The following FGF13 variants were observed in gnomAD, a reference collection of about 807,000 sequenced individuals.
FGF13 encodes the protein fibroblast growth factor 13.
FGF13 carries 2 observed loss-of-function variants against 19.5 expected under a neutral mutation model. The observed-to-expected ratio is 0.10, with a 90% CI of 0.04 to 0.32. The LOEUF is 0.32. Ranked by LOEUF, FGF13 falls within the 10% of genes least tolerant of loss-of-function variation. The pLI, the probability that FGF13 is intolerant of heterozygous loss-of-function variation, is 1.00. For missense variants in FGF13, 113 were observed against 192.7 expected (o/e 0.59, Z 2.45); for synonymous variants, 72 against 76.9 (o/e 0.94, Z 0.33).
At chrX:138,712,304 T>C (rs1433278599), upstream of FGF13, among the ~76,000 whole-genome samples, 2 of 111,330 alleles carry the variant, frequency 1.8e-5, no homozygotes, top group Non-Finnish European at 3.8e-5. Flanking sequence ...TCAAGCCAAT[T>C]TGTAGGGTCC....
chrX:139,114,207 G>A (rs921919372), intron 1 of FGF13, among the ~76,000 whole-genome samples: 1 of 111,825 alleles, frequency 8.9e-6, no homozygotes, highest in African/African-American at 3.3e-5. Flanking sequence ...CTTAAAGTAA[G>A]CAAGCTCCAT....
chrX:139,035,034 C>T (rs183366622), intron 1 of FGF13, among the ~76,000 whole-genome samples: 42 of 111,794 alleles, frequency 3.8e-4, no homozygotes, highest in South Asian at 3.7e-4. Context: ...GTATAAACAT[C>T]GCTTGGCAAT....
intron 1 of FGF13, among the ~76,000 whole-genome samples, chrX:139,135,148 G>A (rs2083789858): frequency 8.9e-6 from 1 of 112,285 alleles, no homozygotes; most frequent in African/African-American, 3.2e-5. Context: ...CTGGTAGAGA[G>A]CAGTGCACAG....
chrX:138,825,224 A>T (rs761885748), intron 3 of FGF13, among the ~76,000 whole-genome samples: 1 of 111,862 alleles, frequency 8.9e-6, no homozygotes, highest in African/African-American at 3.2e-5. Flanking sequence ...TTGGAGTCAG[A>T]CAAATCTGGG....
At chrX:138,640,508 T>A (rs1272371983) in intron 3 of FGF13, among the ~76,000 whole-genome samples, 1 of 111,828 alleles carries the variant, frequency 8.9e-6, no homozygotes, top group Non-Finnish European at 1.9e-5. Context: ...GGACAGAGTG[T>A]AGTATCTCTT....
In FGF13 at chrX:138,850,846, C is replaced by G. The variant is rs759527964; in HGVS notation, c.217+6666G>C. 2.1e-3 allele frequency among the ~76,000 whole-genome samples: 231 copies of G among 111,772 alleles called. 2 individuals are homozygous for G. Among genetic ancestry groups the G allele is most frequent in the African/African-American group, 7.2e-3 (223 of 30,794 alleles). On this transcript the variant is annotated intron_variant, in intron 3 of 6. Transcript: ENST00000436198. Reference sequence around the variant, plus strand: ...ATCAAACCATCACCGAAATATTAAGCCCAGCATGCATTAGCTATTTTTCCT... The same window carrying G: ...ATCAAACCATCACCGAAATATTAAGGCCAGCATGCATTAGCTATTTTTCCT...
At chrX:138,742,098 A>G (rs751393816), upstream of FGF13, among the ~76,000 whole-genome samples, 1 of 111,613 alleles carries the variant, frequency 9.0e-6, no homozygotes, top group South Asian at 3.8e-4. Flanking sequence ...ACATCTCTCA[A>G]TTTGAATGTG....
chrX:138,837,468 C>T (rs1301031785), intron 3 of FGF13, among the ~76,000 whole-genome samples: 1 of 111,952 alleles, frequency 8.9e-6, no homozygotes, highest in Non-Finnish European at 1.9e-5. Context: ...TTTCGTGGGT[C>T]TACTCTGCTG....
intron 3 of FGF13, among the ~76,000 whole-genome samples, chrX:138,643,495 A>G (rs1027237427): frequency 2.7e-5 from 3 of 112,111 alleles, no homozygotes; most frequent in African/African-American, 9.7e-5. Flanking sequence ...CAAAGAAGAG[A>G]GATAGGCCAT....
chrX:138,935,833 T>C (rs750735442), intron 1 of FGF13, among the ~76,000 whole-genome samples: 20 of 112,133 alleles, frequency 1.8e-4, no homozygotes, highest in Non-Finnish European at 3.6e-4. Context: ...AGTTGGGTCT[T>C]TTCAAGAATG....
At chrX:138,988,318 T>G (rs1283188164) in intron 1 of FGF13, among the ~76,000 whole-genome samples, 2 of 112,406 alleles carry the variant, frequency 1.8e-5, no homozygotes, top group Non-Finnish European at 3.8e-5. Context: ...AAAATCCGAT[T>G]TCTAATTTTT....
At position 138,617,965 on chromosome X, in the gene FGF13, G is replaced by T. The variant is rs1474492929; in HGVS notation, c.*14885C>A. 1.8e-5 allele frequency: 2 copies of T among 109,553 alleles called. No homozygotes were observed. The highest frequency in any genetic ancestry group is 1.9e-4 in the Admixed American group (2 of 10,262). The allele number at this position is 109,553 out of a possible 1,213,427, so 9.0% of individuals were successfully genotyped here. ...CCCCAGAGAGAGAGAGAGAGAGAGA[G>T]AATATTTTAAATTATTTTGTAAAAC... is the stretch of plus-strand genomic sequence containing the variant. On this transcript the variant is annotated 3_prime_UTR_variant, in exon 5 of 5. Coordinates refer to ENST00000315930, the MANE Select transcript of FGF13 (RefSeq NM_004114.5).
At position 138,694,537 on chromosome X, in the gene FGF13, G is replaced by A. The variant is rs374208687; in HGVS notation, c.402+8447C>T. Among the ~76,000 whole-genome samples, 20 of 101,730 alleles carry A rather than the reference G, an allele frequency of 2.0e-4. No individual in the cohort carries two copies. In the East Asian group the frequency reaches 5.3e-3, roughly 27 times the overall value. 88.3% of individuals were successfully genotyped at this position (101,730 alleles called of 115,157 possible). A position where few individuals can be genotyped will look rare whatever the true frequency, so the allele number is the denominator to read the frequency against. Reference sequence around the variant, plus strand: ...GCAATCTTGGCTCACTGCAAGCTCCGCCTCCTGGGTTCATGCCATTCTCCT... The same window carrying A: ...GCAATCTTGGCTCACTGCAAGCTCCACCTCCTGGGTTCATGCCATTCTCCT... On this transcript the variant is annotated intron_variant, in intron 3 of 4. Coordinates refer to ENST00000315930, the MANE Select transcript of FGF13 (RefSeq NM_004114.5).
At chrX:138,749,074 C>T (rs1395948443) in intron 3 of FGF13, among the ~76,000 whole-genome samples, 4 of 110,927 alleles carry the variant, frequency 3.6e-5, no homozygotes, top group Non-Finnish European at 7.5e-5. Flanking sequence ...AAGAGACAGA[C>T]AATAAACAGG....
chrX:138,630,405 A>G lies in FGF13; in HGVS notation c.*2445T>C, dbSNP rs1384612617. ...TTTCCCTACTGATTGAAAATTAGTA[A>G]GAGTTAATAGGGAGAGGTGGTTGAG... On this transcript the variant is annotated 3_prime_UTR_variant, in exon 5 of 5. Coordinates refer to ENST00000315930, the MANE Select transcript of FGF13 (RefSeq NM_004114.5). The G allele has an allele frequency of 2.7e-5, 3 of 111,135 alleles. No homozygotes were observed. Among genetic ancestry groups the G allele is most frequent in the Non-Finnish European group, 5.7e-5 (3 of 53,043 alleles). 9.2% of individuals were successfully genotyped at this position (111,135 alleles called of 1,213,427 possible).
At chrX:138,950,722 T>A (rs1437106720) in intron 1 of FGF13, among the ~76,000 whole-genome samples, 1 of 111,933 alleles carries the variant, frequency 8.9e-6, no homozygotes, top group African/African-American at 3.2e-5. Context: ...ATATCTGTCA[T>A]GTCTGTGCTT....
At chrX:139,067,864 C>T (rs1309980564) in intron 1 of FGF13, among the ~76,000 whole-genome samples, 1 of 108,998 alleles carries the variant, frequency 9.2e-6, no homozygotes, top group African/African-American at 3.4e-5. Context: ...TGTTGGAGTT[C>T]ATTGTAGATT....
chrX:139,161,931 A>C (rs1310157932), intron 1 of FGF13, among the ~76,000 whole-genome samples: 2 of 112,391 alleles, frequency 1.8e-5, no homozygotes, highest in Non-Finnish European at 3.8e-5. Flanking sequence ...TTCCATGCTC[A>C]TGGATAGGAA....
chrX:138,840,659 T>C (rs982132913), intron 3 of FGF13, among the ~76,000 whole-genome samples: 2 of 111,512 alleles, frequency 1.8e-5, no homozygotes, highest in African/African-American at 6.5e-5. Context: ...AGGTAGAAGA[T>C]GAATGCCAGG....
Sources: allele counts gnomAD v4.1 joint callset (sites outside exome capture counted in the v4.1 genomes callset), GRCh38; gene constraint gnomAD v4.1.1; transcripts MANE v1.5; gene names NCBI Gene and HGNC (gene_info 2026-07-23, HGNC 2026-07-21).